Variants in MICU3 observed in about 807,000 individuals in gnomAD.
MICU3 encodes mitochondrial calcium uptake 3.
Under a neutral mutation model 66.5 loss-of-function variants are expected in MICU3, and 62 were observed. That is an observed-to-expected ratio of 0.93 (90% CI 0.76 to 1.15). The LOEUF (loss-of-function observed/expected upper bound fraction) is 1.15. Ranked by LOEUF, MICU3 falls within the 50% of genes most tolerant of loss-of-function variation. MICU3 has a pLI of 0.00. For synonymous variants in MICU3, 308 were observed against 240.7 expected, an observed-to-expected ratio of 1.28 and a Z score of -2.59; for missense variants, 779 against 664.4, an observed-to-expected ratio of 1.17 and a Z score of -1.90.
At chr8:17,088,841 A>G (rs1471553309) in intron 7 of MICU3, among the ~76,000 whole-genome samples, 1 of 152,000 alleles carries the variant, frequency 6.6e-6, no homozygotes, top group South Asian at 2.1e-4. Flanking sequence ...CAGCCAAGGT[A>G]TAAGAAATTT....
intron 1 of MICU3, among the ~76,000 whole-genome samples, chr8:17,028,456 T>G (rs1305928946): frequency 1.3e-5 from 2 of 152,214 alleles, no homozygotes; most frequent in African/African-American, 4.8e-5. Context: ...TGATTTTTTT[T>G]GTCGCATCAG....
At chr8:17,106,705 C>T (rs532141470) in intron 11 of MICU3, among the ~76,000 whole-genome samples, 2 of 151,898 alleles carry the variant, frequency 1.3e-5, no homozygotes, top group Non-Finnish European at 2.9e-5. Context: ...AAAATTTGCA[C>T]GTGAATCAAA....
chr8:17,046,821 A>G (rs531253390), intron 1 of MICU3, among the ~76,000 whole-genome samples: 3 of 152,102 alleles, frequency 2.0e-5, no homozygotes, highest in Non-Finnish European at 4.4e-5. Context: ...CAGAGTAGAA[A>G]AGAAGACTCT....
intron 5 of MICU3, 72 bp downstream of exon 5, chr8:17,081,812 A>C: frequency 1.4e-6 from 1 of 696,284 alleles, no homozygotes; most frequent in Non-Finnish European, 2.5e-6. Context: ...AGCAGATCTT[A>C]GGTTCTCTTA....
chr8:17,129,945 A>G, the MICU3 span, among the ~76,000 whole-genome samples: 1 of 152,244 alleles, frequency 6.6e-6, no homozygotes, highest in Admixed American at 6.5e-5. Flanking sequence ...AGAACAGAAG[A>G]TAATTGTATA....
intron 9 of MICU3, among the ~76,000 whole-genome samples, chr8:17,103,911 GTT>G (rs979216604): frequency 2.6e-4 from 40 of 151,916 alleles, no homozygotes; most frequent in African/African-American, 9.6e-4. Context: ...AAAGGAAGCT[GTT>G]TTGTGAAGCT....
At chr8:17,132,331 C>G in the MICU3 span, 1 of 152,188 alleles carries the variant, frequency 6.6e-6, no homozygotes, top group African/African-American at 2.4e-5. Flanking sequence ...CCTTCTTCTA[C>G]TGTTCATTGA....
chr8:17,118,571 C>A, intron 13 of MICU3, 136 bp from the exon 14 acceptor site: 1 of 494,448 alleles, frequency 2.0e-6, no homozygotes. Flanking sequence ...CCCAGTCCCC[C>A]AGCCTTCCAG....
In MICU3 at chr8:17,105,566, C is replaced by A; in HGVS notation, c.1239C>A (p.Tyr413Ter). ...CAGTATTTTTAGAAAATGTGCGTTA[C>A]AGTATACCTGAAGAAAAGGTATCTA... ...NTSVFLENVR[Y>*]SIPEEKGITF... The change falls in exon 11 of 15, where the codon TAC becomes TAA. Residue 413 changes from tyrosine to a stop codon, truncating the protein, a stop_gained. Transcript: ENST00000318063. LOFTEE classifies it high-confidence loss of function. The A allele has an allele frequency of 6.5e-7, 1 of 1,538,888 alleles. No individual in the cohort carries two copies. Among genetic ancestry groups the A allele is most frequent in the Non-Finnish European group, 8.7e-7 (1 of 1,143,062 alleles).
At chr8:17,084,452 G>T (rs1386683821) in intron 5 of MICU3, among the ~76,000 whole-genome samples, 4 of 150,746 alleles carry the variant, frequency 2.7e-5, no homozygotes, top group African/African-American at 5.0e-5. Flanking sequence ...GGTAGCAAAT[G>T]TATCTGTGGG....
chr8:17,067,790 C>G (rs187294163), intron 2 of MICU3, among the ~76,000 whole-genome samples: 1 of 151,860 alleles, frequency 6.6e-6, no homozygotes, highest in African/African-American at 2.4e-5. Context: ...CCATTTTTTT[C>G]GCTGTTTAAA....
At chr8:17,063,136 G>C (rs74332215) in intron 1 of MICU3, among the ~76,000 whole-genome samples, 10,389 of 152,102 alleles carry the variant, frequency 0.068, 544 homozygotes, top group East Asian at 0.25. Flanking sequence ...ATTACTGAAT[G>C]ATATATATGG....
At chr8:17,117,478 C>A (rs1802793418) in intron 13 of MICU3, among the ~76,000 whole-genome samples, 1 of 151,700 alleles carries the variant, frequency 6.6e-6, no homozygotes, top group Non-Finnish European at 1.5e-5. Context: ...TAGTATGAAT[C>A]AATAAATGTG....
chr8:17,041,421 G>A (rs1814070552), intron 1 of MICU3, among the ~76,000 whole-genome samples: 1 of 152,174 alleles, frequency 6.6e-6, no homozygotes, highest in East Asian at 1.9e-4. Context: ...CAACAAGGAA[G>A]TCATGGGTGA....
At position 17,027,405 on chromosome 8, in the gene MICU3, C is replaced by G; in HGVS notation, c.126C>G (p.Pro42=). ...AVTTLGLPGR[P]FSSREDEERA... is the part of the protein sequence containing the mutation. The stretch of plus-strand genomic sequence containing the variant: ...CCACCCTGGGCCTTCCTGGCCGGCC[C>G]TTCTCCTCCCGAGAGGATGAGGAGA... The change falls in exon 1 of 15, where the codon CCC becomes CCG. Residue 42 remains proline (P), a synonymous_variant. Coordinates refer to ENST00000318063, the MANE Select transcript of MICU3 (RefSeq NM_181723.3). The G allele has an allele frequency of 7.0e-7, 1 of 1,421,756 alleles. No homozygotes were observed. Among genetic ancestry groups the G allele is most frequent in the Non-Finnish European group, 9.1e-7 (1 of 1,095,820 alleles). The allele number at this position is 1,421,756 out of a possible 1,614,324, so 88.1% of individuals were successfully genotyped here.
intron 2 of MICU3, among the ~76,000 whole-genome samples, chr8:17,067,858 G>GA (rs1198342585): frequency 6.6e-6 from 1 of 151,824 alleles, no homozygotes; most frequent in Admixed American, 6.6e-5. Flanking sequence ...ATTCAACAGG[G>GA]AAAAAATGGT....
At chr8:17,029,986 G>C (rs1375452563) in intron 1 of MICU3, among the ~76,000 whole-genome samples, 1 of 152,070 alleles carries the variant, frequency 6.6e-6, no homozygotes, top group Non-Finnish European at 1.5e-5. Flanking sequence ...CAGATATCCT[G>C]GGCTTTATCT....
chr8:17,029,928 A>G (rs1210098897), intron 1 of MICU3, among the ~76,000 whole-genome samples: 1 of 152,014 alleles, frequency 6.6e-6, no homozygotes, highest in African/African-American at 2.4e-5. Context: ...AATCATTCTT[A>G]TATTTCGGTT....
At chr8:17,096,168 A>G (rs1224449800) in intron 8 of MICU3, among the ~76,000 whole-genome samples, 2 of 151,946 alleles carry the variant, frequency 1.3e-5, no homozygotes, top group Non-Finnish European at 2.9e-5. Context: ...TACTATTTAC[A>G]TATCAAAGCA....
Sources: gnomAD v4.1 joint callset for allele counts (sites outside exome capture counted in the v4.1 genomes callset) on GRCh38, gnomAD v4.1.1 for gene constraint, MANE v1.5 for transcripts, NCBI Gene and HGNC (gene_info 2026-07-23, HGNC 2026-07-21) for gene names.